Variants in TAX1BP1 observed in about 807,000 individuals in gnomAD.
TAX1BP1 encodes Tax1 binding protein 1.
In TAX1BP1, 62 loss-of-function variants were observed where a neutral mutation model predicts 97.7. The ratio of observed to expected loss-of-function variants is 0.63; its 90% CI spans 0.52 to 0.78. The LOEUF is 0.78. TAX1BP1 is among the 30% of genes least tolerant of loss of function. The pLI, the probability that TAX1BP1 is intolerant of heterozygous loss-of-function variation, is 0.00. For missense variants in TAX1BP1, 867 were observed against 916.1 expected (o/e 0.95, Z 0.69); for synonymous variants, 340 against 304.2 (o/e 1.12, Z -1.23).
chr7:27,797,607 A>G (rs979519287), intron 12 of TAX1BP1, among the ~76,000 whole-genome samples: 14 of 151,996 alleles, frequency 9.2e-5, no homozygotes, highest in African/African-American at 3.1e-4. Context: ...TGTTGCTTAT[A>G]AATAGCAAAA....
At chr7:27,797,867 A>G (rs1223210044) in intron 12 of TAX1BP1, among the ~76,000 whole-genome samples, 4 of 151,262 alleles carry the variant, frequency 2.6e-5, no homozygotes, top group African/African-American at 7.3e-5. Flanking sequence ...TTAAACAACC[A>G]TATTGAGGTA....
intron 13 of TAX1BP1, among the ~76,000 whole-genome samples, chr7:27,803,574 G>A (rs969605277): frequency 2.6e-5 from 4 of 152,134 alleles, no homozygotes; most frequent in African/African-American, 9.7e-5. Context: ...CATTTGCACT[G>A]TGTGAAAGCA....
intron 8 of TAX1BP1, among the ~76,000 whole-genome samples, chr7:27,791,625 C>G (rs562106950): frequency 6.6e-6 from 1 of 152,192 alleles, no homozygotes; most frequent in South Asian, 2.1e-4. Context: ...TACAAAGAAG[C>G]TTTCGGAATG....
intron 2 of TAX1BP1, among the ~76,000 whole-genome samples, chr7:27,756,856 G>A (rs1788238348): frequency 6.6e-6 from 1 of 152,088 alleles, no homozygotes; most frequent in Non-Finnish European, 1.5e-5. Flanking sequence ...AGTGTCAAAT[G>A]TTTTTTACCT....
intron 3 of TAX1BP1, among the ~76,000 whole-genome samples, chr7:27,761,405 A>G (rs992407731): frequency 1.3e-5 from 2 of 152,186 alleles, no homozygotes; most frequent in African/African-American, 2.4e-5. Flanking sequence ...TGATGAATGT[A>G]TGAAGACATA....
intron 5 of TAX1BP1, among the ~76,000 whole-genome samples, chr7:27,771,097 A>ATTTTTTTTTTTTTTTTT (rs57751582): frequency 2.5e-4 from 10 of 40,564 alleles, no homozygotes; most frequent in Non-Finnish European, 4.0e-4. Flanking sequence ...ACATTCAGCA[A>ATTTTTTTTTTTTTTTTT]TTTTTTTTTT....
intron 5 of TAX1BP1, among the ~76,000 whole-genome samples, chr7:27,782,593 A>G (rs1451045486): frequency 2.0e-5 from 3 of 152,182 alleles, no homozygotes; most frequent in African/African-American, 7.2e-5. Context: ...ACCAGAGAAG[A>G]TGTCTTTATA....
At chr7:27,800,161 T>C (rs1447549530) in intron 13 of TAX1BP1, 71 bp downstream of exon 13, 1 of 1,365,522 alleles carries the variant, frequency 7.3e-7, no homozygotes, top group Non-Finnish European at 9.8e-7. Flanking sequence ...ATAATTTTAT[T>C]CAATCTAATG....
chr7:27,758,616 T>TA (rs1788312680), intron 3 of TAX1BP1, among the ~76,000 whole-genome samples: 1 of 152,114 alleles, frequency 6.6e-6, no homozygotes, highest in Non-Finnish European at 1.5e-5. Flanking sequence ...TTACAAAATT[T>TA]AAAAAATACT....
intron 5 of TAX1BP1, among the ~76,000 whole-genome samples, chr7:27,784,406 C>G (rs1562719457): frequency 1.3e-5 from 2 of 152,118 alleles, no homozygotes; most frequent in Non-Finnish European, 2.9e-5. Flanking sequence ...ATTTGTTGCA[C>G]TTACTACCTC....
At chr7:27,770,881 T>C (rs1054268637) in intron 5 of TAX1BP1, among the ~76,000 whole-genome samples, 8 of 152,070 alleles carry the variant, frequency 5.3e-5, no homozygotes, top group Non-Finnish European at 2.9e-5. Context: ...TTCTGTCTTT[T>C]CTATCGTTAG....
chr7:27,796,492 T>C (rs1240247492), intron 12 of TAX1BP1, among the ~76,000 whole-genome samples: 1 of 152,210 alleles, frequency 6.6e-6, no homozygotes, highest in Admixed American at 6.5e-5. Context: ...TTAATTGAGG[T>C]TAGAAATTAT....
At chr7:27,813,742 G>T (rs1019166321) in intron 13 of TAX1BP1, among the ~76,000 whole-genome samples, 1 of 152,190 alleles carries the variant, frequency 6.6e-6, no homozygotes, top group Non-Finnish European at 1.5e-5. Flanking sequence ...GTGAAAATCA[G>T]TGAGAAACAG....
In TAX1BP1 at chr7:27,793,105, G is replaced by C. The variant is rs2128318265; in HGVS notation, c.1303G>C (p.Val435Leu). Reference protein sequence around the residue: ...DTLEHELRREVEDLKLRLQMA... With the variant: ...DTLEHELRRELEDLKLRLQMA... ...ACTGGAACACGAACTAAGAAGAGAA[G>C]TTGAAGATCTGAAACTCCGTCTTCA... Residue 435 changes from valine to leucine, a missense_variant, in exon 10 of 17, where the codon GTT becomes CTT. Val to Leu is a conservative substitution (Grantham distance 32). Coordinates refer to ENST00000396319, the MANE Select transcript of TAX1BP1 (RefSeq NM_006024.7). 6.2e-7 allele frequency: 1 copy of C among 1,604,160 alleles called. No homozygotes were observed. Among genetic ancestry groups the C allele is most frequent in the Admixed American group, 1.8e-5 (1 of 56,628 alleles).
At chr7:27,809,621 C>G (rs940232259) in intron 13 of TAX1BP1, among the ~76,000 whole-genome samples, 9 of 152,144 alleles carry the variant, frequency 5.9e-5, no homozygotes, top group Non-Finnish European at 7.3e-5. Flanking sequence ...CTCTGTCCCC[C>G]ATGAGGAATC....
intron 15 of TAX1BP1, among the ~76,000 whole-genome samples, chr7:27,825,448 T>C (rs183518240): frequency 7.9e-4 from 121 of 152,336 alleles, no homozygotes; most frequent in African/African-American, 2.6e-3. Context: ...GAGTGCTTAC[T>C]GCATACTCTC....
chr7:27,763,226 AC>A (rs1583679535), intron 3 of TAX1BP1, among the ~76,000 whole-genome samples: 3 of 152,206 alleles, frequency 2.0e-5, no homozygotes, highest in Admixed American at 2.0e-4. Context: ...CAATACCTAA[AC>A]GTGATTGTTT....
intron 5 of TAX1BP1, among the ~76,000 whole-genome samples, chr7:27,776,440 T>A (rs1789035898): frequency 6.6e-6 from 1 of 152,150 alleles, no homozygotes; most frequent in South Asian, 2.1e-4. Flanking sequence ...GATAGATAGT[T>A]TTTGTATTTG....
At chr7:27,786,332 A>G (rs1190669064) in intron 7 of TAX1BP1, among the ~76,000 whole-genome samples, 3 of 151,810 alleles carry the variant, frequency 2.0e-5, no homozygotes, top group Admixed American at 6.6e-5. Flanking sequence ...ACGAGGTTTC[A>G]CCATGTTAGC....
Sources: gnomAD v4.1 joint callset for allele counts (sites outside exome capture counted in the v4.1 genomes callset) on GRCh38, gnomAD v4.1.1 for gene constraint, MANE v1.5 for transcripts, NCBI Gene and HGNC (gene_info 2026-07-23, HGNC 2026-07-21) for gene names.